The following SATB2 variants were observed in gnomAD, a reference collection of about 807,000 sequenced individuals.
SATB2 encodes the protein SATB homeobox 2, also known as DNA-binding protein SATB2.
SATB2 carries 1 observed loss-of-function variant against 73.4 expected under a neutral mutation model. The observed-to-expected ratio is 0.01, with a 90% CI of 0.00 to 0.06. The LOEUF (loss-of-function observed/expected upper bound fraction) is 0.06. Among genes scored for constraint, SATB2 ranks in the 10% least tolerant of loss-of-function variants. The pLI is 1.00. For synonymous variants in SATB2, 397 were observed against 367.0 expected (o/e 1.08, Z -0.93); for missense variants, 459 against 945.8 (o/e 0.49, Z 6.75).
chr2:199,282,127 C>T (rs6735461), intron 10 of SATB2, among the ~76,000 whole-genome samples: 116,206 of 151,664 alleles, frequency 0.77, 47,257 homozygotes, highest in Non-Finnish European at 0.89. Context: ...GTGATCCGCC[C>T]ACCTTGGCCT....
At chr2:199,416,827 G>A (rs960478499) in intron 3 of SATB2, among the ~76,000 whole-genome samples, 4 of 152,082 alleles carry the variant, frequency 2.6e-5, no homozygotes, top group Non-Finnish European at 4.4e-5. Context: ...ATGAGGTCAG[G>A]AGATCGAGAC....
chr2:199,340,456 T>TA (rs1486791283), intron 7 of SATB2, among the ~76,000 whole-genome samples: 2 of 152,166 alleles, frequency 1.3e-5, no homozygotes, highest in Admixed American at 1.3e-4. Context: ...GACTTACTGT[T>TA]ACAAAAGAAT....
intron 10 of SATB2, among the ~76,000 whole-genome samples, chr2:199,296,062 T>C (rs537451001): frequency 7.2e-5 from 11 of 152,292 alleles, no homozygotes; most frequent in Non-Finnish European, 1.2e-4. Flanking sequence ...GAAGCCACAG[T>C]AGGTAGGTTT....
chr2:199,390,034 A>G (rs914110319), intron 3 of SATB2, among the ~76,000 whole-genome samples: 1 of 152,128 alleles, frequency 6.6e-6, no homozygotes, highest in Non-Finnish European at 1.5e-5. Context: ...GACTTTTATT[A>G]GATTATTTAA....
In SATB2 at chr2:199,285,469, T is replaced by C. The variant is rs367747499; in HGVS notation, c.1741-12797A>G. 8.3e-4 allele frequency among the ~76,000 whole-genome samples: 126 copies of C among 152,302 alleles called. 3 individuals are homozygous for C. The South Asian group carries it at 0.022, about 27-fold the overall frequency. On this transcript the variant is annotated intron_variant, in intron 10 of 10. Coordinates refer to ENST00000417098, the MANE Select transcript of SATB2 (RefSeq NM_001172509.2). ...ATGATGTTACTTAAGTTGGCTCTTA[T>C]GATTGTAATTTCACATCCTAACATT...
intron 10 of SATB2, among the ~76,000 whole-genome samples, chr2:199,281,381 C>T (rs1692489194): frequency 6.6e-6 from 1 of 151,798 alleles, no homozygotes; most frequent in Non-Finnish European, 1.5e-5. Flanking sequence ...CAGGTGGTCA[C>T]GTCTGTCCCT....
intron 3 of SATB2, among the ~76,000 whole-genome samples, chr2:199,424,414 C>A (rs1209061382): frequency 6.6e-6 from 1 of 152,136 alleles, no homozygotes; most frequent in Non-Finnish European, 1.5e-5. Flanking sequence ...ATACTGTAAA[C>A]AAAGGAAGTC....
chr2:199,328,548 T>G, intron 8 of SATB2, 150 bp downstream of exon 8: 1 of 591,622 alleles, frequency 1.7e-6, no homozygotes, highest in South Asian at 3.0e-5. Context: ...CTCAAAAAAA[T>G]TAAAATAAAA....
At chr2:199,389,898 A>G (rs1690079704) in intron 3 of SATB2, among the ~76,000 whole-genome samples, 1 of 152,136 alleles carries the variant, frequency 6.6e-6, no homozygotes, top group South Asian at 2.1e-4. Context: ...TCTATTTTAG[A>G]AATATATACA....
intron 3 of SATB2, among the ~76,000 whole-genome samples, chr2:199,420,074 C>T (rs1292284840): frequency 6.6e-6 from 1 of 152,154 alleles, no homozygotes; most frequent in East Asian, 1.9e-4. Flanking sequence ...GGTGGCTAAG[C>T]CACTGTCTCA....
chr2:199,467,483 T>G (rs1397389014), upstream of SATB2: 1 of 151,744 alleles, frequency 6.6e-6, no homozygotes, highest in Non-Finnish European at 1.5e-5. Flanking sequence ...ACAAGTGGAG[T>G]GTAAAATTTT....
At chr2:199,429,047 A>G (rs1691422074) in intron 3 of SATB2, among the ~76,000 whole-genome samples, 1 of 151,660 alleles carries the variant, frequency 6.6e-6, no homozygotes. Flanking sequence ...AAAAAAACCA[A>G]CTCTAAGAAA....
chr2:199,276,994 T>C (rs1283161099), intron 10 of SATB2, among the ~76,000 whole-genome samples: 4 of 152,168 alleles, frequency 2.6e-5, no homozygotes, highest in Non-Finnish European at 5.9e-5. Context: ...AATGAACTAT[T>C]GCTATATACA....
chr2:199,328,568 A>G (rs1688097638), intron 8 of SATB2, 130 bp downstream of exon 8: 1 of 654,772 alleles, frequency 1.5e-6, no homozygotes, highest in Non-Finnish European at 2.5e-6. Flanking sequence ...ATAAAATAAA[A>G]TAAGAAAAGA....
chr2:199,402,702 T>C (rs1690519905), intron 3 of SATB2, among the ~76,000 whole-genome samples: 1 of 152,228 alleles, frequency 6.6e-6, no homozygotes, highest in African/African-American at 2.4e-5. Flanking sequence ...CAAAGGTTTT[T>C]GTTTTATTAT....
chr2:199,456,227 G>C, intron 1 of SATB2, 131 bp from the exon 2 acceptor site: 1 of 672,506 alleles, frequency 1.5e-6, no homozygotes, highest in Admixed American at 2.4e-5. Context: ...CACGCTGCCC[G>C]AGGGGCCCGA....
At chr2:199,323,765 T>C (rs766006253) in intron 9 of SATB2, 38 bp downstream of exon 9, 2 of 1,604,850 alleles carry the variant, frequency 1.2e-6, no homozygotes, top group Non-Finnish European at 1.7e-6. Context: ...AAGGATCTAA[T>C]TCCAGCCCTC....
At chr2:199,348,633 T>A (rs1160671695) in intron 7 of SATB2, 68 bp downstream of exon 7, 2 of 1,234,574 alleles carry the variant, frequency 1.6e-6, no homozygotes, top group African/African-American at 3.0e-5. Flanking sequence ...GAGATAAAAA[T>A]AATTATAACC....
chr2:199,297,711 A>C (rs917794532), intron 10 of SATB2, among the ~76,000 whole-genome samples: 11 of 152,104 alleles, frequency 7.2e-5, no homozygotes, highest in African/African-American at 2.4e-4. Flanking sequence ...GTTCTTTCAC[A>C]ACTTTGTGGA....
Sources: allele counts gnomAD v4.1 joint callset (sites outside exome capture counted in the v4.1 genomes callset), GRCh38; gene constraint gnomAD v4.1.1; transcripts MANE v1.5; gene names NCBI Gene and HGNC (gene_info 2026-07-23, HGNC 2026-07-21).